Variants in FOXP1 observed in about 807,000 individuals in gnomAD.
FOXP1 encodes forkhead box protein P1.
Under a neutral mutation model 98.2 loss-of-function variants are expected in FOXP1, and 15 were observed. The ratio of observed to expected loss-of-function variants is 0.15; its 90% CI spans 0.10 to 0.24. FOXP1 has a LOEUF of 0.24. Ranked by LOEUF, FOXP1 falls within the 10% of genes least tolerant of loss-of-function variation. The pLI is 1.00. For missense variants in FOXP1, 633 were observed against 848.5 expected, an observed-to-expected ratio of 0.75 and a Z score of 3.15; for synonymous variants, 371 against 314.5, an observed-to-expected ratio of 1.18 and a Z score of -1.90.
intron 4 of FOXP1, among the ~76,000 whole-genome samples, chr3:71,330,464 T>C (rs890882405): frequency 2.0e-5 from 3 of 152,340 alleles, no homozygotes; most frequent in South Asian, 2.1e-4. Context: ...TGCATCGATA[T>C]TGACCATAGG....
At chr3:71,284,785 C>T (rs1390966912) in intron 5 of FOXP1, among the ~76,000 whole-genome samples, 1 of 151,428 alleles carries the variant, frequency 6.6e-6, no homozygotes, top group Non-Finnish European at 1.5e-5. Flanking sequence ...AATGGATACA[C>T]AAATACCATA....
chr3:71,290,579 A>T lies in FOXP1; in HGVS notation c.-12+9241T>A, dbSNP rs1224434929. Among the ~76,000 whole-genome samples, 6 of 152,276 alleles carry T rather than the reference A, an allele frequency of 3.9e-5. No homozygotes were observed. The Middle Eastern group carries it at 0.014, about 345-fold the overall frequency. On this transcript the variant is annotated intron_variant, in intron 5 of 20. Transcript: ENST00000649528. ...TCCCAGAGCGATCCATTTAAAAAGC[A>T]TGAGTGAGATCTTGCTCTACCTCAA...
At position 71,251,044 on chromosome 3, in the gene FOXP1, G is replaced by A. The variant is rs549401896; in HGVS notation, c.-12+48776C>T. Among the ~76,000 whole-genome samples the A allele has an allele frequency of 1.2e-4, 18 of 152,168 alleles. No individual in the cohort carries two copies. The South Asian group carries it at 3.7e-3, about 32-fold the overall frequency. ...AGTAAAAATTATTTTTTATAAACAC[G>A]GTTTTGATTAGAATTGTAGATTTAT... On this transcript the variant is annotated intron_variant, in intron 5 of 20. Transcript: ENST00000649528.
chr3:71,175,788 T>C (rs1441028836), intron 6 of FOXP1, among the ~76,000 whole-genome samples: 3 of 152,238 alleles, frequency 2.0e-5, no homozygotes, highest in Non-Finnish European at 4.4e-5. Context: ...TTAAAACTCC[T>C]ACCCTAAGTC....
intron 3 of FOXP1, among the ~76,000 whole-genome samples, chr3:71,441,802 A>C (rs2108456171): frequency 6.6e-6 from 1 of 152,330 alleles, no homozygotes; most frequent in African/African-American, 2.4e-5. Context: ...CTGTTAGCCA[A>C]GTCCCTTCCC....
chr3:71,541,216 T>C (rs1010020426), intron 2 of FOXP1, among the ~76,000 whole-genome samples: 1 of 152,224 alleles, frequency 6.6e-6, no homozygotes, highest in African/African-American at 2.4e-5. Context: ...TTTACACCTT[T>C]ACCAAACTCA....
intron 2 of FOXP1, among the ~76,000 whole-genome samples, chr3:71,549,704 C>A (rs991960318): frequency 1.3e-5 from 2 of 152,058 alleles, no homozygotes; most frequent in Non-Finnish European, 1.5e-5. Context: ...TAAAACATAT[C>A]TCAAATATTT....
chr3:71,111,103 C>T (rs1225642638), intron 7 of FOXP1, among the ~76,000 whole-genome samples: 1 of 152,216 alleles, frequency 6.6e-6, no homozygotes, highest in Non-Finnish European at 1.5e-5. Context: ...TGGGGATAAT[C>T]TGGGAACAGG....
At chr3:71,137,466 T>C (rs1334547583) in intron 6 of FOXP1, among the ~76,000 whole-genome samples, 1 of 152,150 alleles carries the variant, frequency 6.6e-6, no homozygotes, top group Admixed American at 6.5e-5. Flanking sequence ...CCACCATTTG[T>C]ACTATTAATA....
chr3:71,554,490 GAATGA>G (rs2045985648), intron 2 of FOXP1, among the ~76,000 whole-genome samples: 1 of 152,140 alleles, frequency 6.6e-6, no homozygotes, highest in Admixed American at 6.5e-5. Flanking sequence ...ACCTTCAACA[GAATGA>G]AATTCTGTTG....
intron 3 of FOXP1, among the ~76,000 whole-genome samples, chr3:71,389,746 A>T (rs2080894987): frequency 6.6e-6 from 1 of 152,116 alleles, no homozygotes; most frequent in African/African-American, 2.4e-5. Flanking sequence ...TTTTGCAAAA[A>T]CTTGCATAAT....
intron 11 of FOXP1, among the ~76,000 whole-genome samples, chr3:71,023,281 T>C (rs897865335): frequency 2.0e-5 from 3 of 152,240 alleles, no homozygotes; most frequent in Admixed American, 6.5e-5. Flanking sequence ...CACAACTTTA[T>C]GTCAACCTAA....
At chr3:71,479,704 G>T (rs1310227415) in intron 3 of FOXP1, among the ~76,000 whole-genome samples, 4 of 145,914 alleles carry the variant, frequency 2.7e-5, no homozygotes, top group Non-Finnish European at 4.5e-5. Flanking sequence ...GAAAAGAAAA[G>T]AAAAGAAAAA....
intron 11 of FOXP1, among the ~76,000 whole-genome samples, chr3:71,027,564 C>T (rs2046295511): frequency 6.6e-6 from 1 of 152,156 alleles, no homozygotes; most frequent in Non-Finnish European, 1.5e-5. Flanking sequence ...ACATTTAATT[C>T]AGCAGATTTA....
intron 2 of FOXP1, among the ~76,000 whole-genome samples, chr3:71,580,110 TC>T (rs1449863608): frequency 6.6e-6 from 1 of 151,578 alleles, no homozygotes; most frequent in Non-Finnish European, 1.5e-5. Flanking sequence ...GTTTGATCTC[TC>T]CTGCTTCCTT....
chr3:71,512,403 C>G (rs1184209037), intron 2 of FOXP1, among the ~76,000 whole-genome samples: 2 of 152,142 alleles, frequency 1.3e-5, no homozygotes, highest in African/African-American at 4.8e-5. Context: ...CTTGCAGACA[C>G]AAAGGAAGAA....
intron 3 of FOXP1, among the ~76,000 whole-genome samples, chr3:71,434,631 G>GGGGTGT (rs1553883024): frequency 4.2e-5 from 6 of 142,266 alleles, no homozygotes; most frequent in Non-Finnish European, 7.6e-5. Flanking sequence ...GAGGGGATGG[G>GGGGTGT]GTGTGTGTGT....
intron 3 of FOXP1, among the ~76,000 whole-genome samples, chr3:71,440,414 A>ACGC (rs1560491237): frequency 6.6e-6 from 1 of 152,070 alleles, no homozygotes; most frequent in Non-Finnish European, 1.5e-5. Context: ...GCGGTGGCTC[A>ACGC]CGCCTGTAAT....
chr3:71,446,927 G>A (rs184201881), intron 3 of FOXP1, among the ~76,000 whole-genome samples: 2 of 152,372 alleles, frequency 1.3e-5, no homozygotes, highest in African/African-American at 4.8e-5. Context: ...AATGCCCATA[G>A]GGGCCAGGCA....
Sources: allele counts gnomAD v4.1 joint callset (sites outside exome capture counted in the v4.1 genomes callset), GRCh38; gene constraint gnomAD v4.1.1; transcripts MANE v1.5; gene names NCBI Gene and HGNC (gene_info 2026-07-23, HGNC 2026-07-21).